The following GLDC variants were observed in gnomAD, a reference collection of about 807,000 sequenced individuals.
GLDC encodes the protein glycine dehydrogenase (decarboxylating), mitochondrial.
GLDC carries 104 observed loss-of-function variants against 121.3 expected under a neutral mutation model. The observed-to-expected ratio is 0.86, with a 90% confidence interval of 0.73 to 1.01. The LOEUF (loss-of-function observed/expected upper bound fraction) is 1.01, where lower values mean the gene tolerates loss of function less well. GLDC is among the 50% of genes least tolerant of loss of function. The pLI, the probability that GLDC is intolerant of heterozygous loss-of-function variation, is 0.00. For synonymous variants in GLDC, 546 were observed against 480.6 expected, an observed-to-expected ratio of 1.14 and a Z score of -1.78; for missense variants, 1,429 against 1,306.6, an observed-to-expected ratio of 1.09 and a Z score of -1.44.
At chr9:6,609,277 A>C (rs760688373) in intron 4 of GLDC, among the ~76,000 whole-genome samples, 27 of 152,226 alleles carry the variant, frequency 1.8e-4, no homozygotes, top group Non-Finnish European at 3.7e-4. Flanking sequence ...ACAAAGATTT[A>C]TTATAAGGAT....
chr9:6,594,829 AAG>A (rs1563852359), intron 9 of GLDC, among the ~76,000 whole-genome samples, 183 bp downstream of exon 9: 1 of 152,086 alleles, frequency 6.6e-6, no homozygotes, highest in East Asian at 1.9e-4. Context: ...GAAAGAAAGA[AAG>A]AAAAAGAAAG....
intron 11 of GLDC, chr9:6,591,920 C>G: frequency 2.5e-6 from 1 of 407,426 alleles, no homozygotes. Flanking sequence ...ACACCATTAA[C>G]AATCTTTCCA....
chr9:6,635,429 A>T (rs970646246), intron 2 of GLDC, among the ~76,000 whole-genome samples: 4 of 152,230 alleles, frequency 2.6e-5, no homozygotes, highest in Admixed American at 2.0e-4. Flanking sequence ...TATGTACCAT[A>T]ATAGCCCTCA....
chr9:6,535,644 C>A (rs1587909241), intron 23 of GLDC, among the ~76,000 whole-genome samples: 1 of 152,298 alleles, frequency 6.6e-6, no homozygotes, highest in Admixed American at 6.5e-5. Context: ...GCCCAACCAA[C>A]TTTTCCCCAA....
chr9:6,587,054 A>T lies in GLDC; in HGVS notation c.1850+87T>A, dbSNP rs968197. 550,161 of 1,083,142 alleles carry T rather than the reference A, an allele frequency of 0.51. 144,061 individuals are homozygous for T. Among genetic ancestry groups the T allele is most frequent in the Middle Eastern group, 0.59 (2,029 of 3,430 alleles). 67.1% of individuals were successfully genotyped at this position (1,083,142 alleles called of 1,614,324 possible). On this transcript the variant is annotated intron_variant, in intron 15 of 24. Coordinates refer to ENST00000321612, the MANE Select transcript of GLDC (RefSeq NM_000170.3). ...CTAGCAAGTCACAGAATAACACAAA[A>T]AAGTTGTTGTTCTAAGCCTTTAAGT...
At position 6,614,570 on chromosome 9, in the gene GLDC, G is replaced by A. The variant is rs78872316; in HGVS notation, c.471-4214C>T. Among the ~76,000 whole-genome samples, 8 of 98,100 alleles carry A rather than the reference G, an allele frequency of 8.2e-5. No homozygotes were observed. The East Asian group carries it at 2.2e-3, about 27-fold the overall frequency. 64.4% of individuals were successfully genotyped at this position (98,100 alleles called of 152,430 possible). On this transcript the variant is annotated intron_variant, in intron 3 of 24. Transcript: ENST00000321612. ...GTTTCAATCTTTTTTTTTTTTTTTT[G>A]TAGGGACAGGGTTTCACTATGTTGT...
chr9:6,599,704 G>A (rs182210744), intron 8 of GLDC, among the ~76,000 whole-genome samples: 1 of 137,646 alleles, frequency 7.3e-6, no homozygotes, highest in Non-Finnish European at 1.5e-5. Context: ...CTGGGTGACA[G>A]AGCAAGACTC....
At chr9:6,537,995 A>T (rs896195813) in intron 22 of GLDC, among the ~76,000 whole-genome samples, 1 of 152,220 alleles carries the variant, frequency 6.6e-6, no homozygotes, top group Non-Finnish European at 1.5e-5. Flanking sequence ...ACTAGAATTC[A>T]GTATCTGTTC....
At chr9:6,595,258 G>A in intron 8 of GLDC, 139 bp from the exon 9 acceptor site, 4 of 739,302 alleles carry the variant, frequency 5.4e-6, no homozygotes, top group African/African-American at 1.7e-5. Context: ...TGATAGTTGG[G>A]GACAATTAAT....
At chr9:6,610,002 C>T (rs1199030337) in intron 4 of GLDC, among the ~76,000 whole-genome samples, 190 bp downstream of exon 4, 1 of 152,184 alleles carries the variant, frequency 6.6e-6, no homozygotes. Context: ...CGGGTGGAGA[C>T]ACCAAGAAGG....
intron 20 of GLDC, among the ~76,000 whole-genome samples, chr9:6,552,334 C>T (rs1006309772): frequency 7.2e-5 from 11 of 152,150 alleles, no homozygotes; most frequent in Non-Finnish European, 1.2e-4. Context: ...TCATCTCCAA[C>T]CCAAATATGT....
chr9:6,622,099 T>C (rs958104811), intron 2 of GLDC, among the ~76,000 whole-genome samples: 2 of 151,930 alleles, frequency 1.3e-5, no homozygotes, highest in Non-Finnish European at 2.9e-5. Context: ...TATCTGAATA[T>C]TATTTGCATC....
intron 7 of GLDC, 62 bp downstream of exon 7, chr9:6,604,526 G>C: frequency 7.0e-7 from 1 of 1,423,116 alleles, no homozygotes; most frequent in Non-Finnish European, 9.9e-7. Flanking sequence ...CAACATTTGT[G>C]ATCAGAAGAA....
intron 2 of GLDC, among the ~76,000 whole-genome samples, chr9:6,641,657 G>T (rs1161481256): frequency 2.0e-5 from 3 of 152,122 alleles, no homozygotes; most frequent in Non-Finnish European, 4.4e-5. Context: ...TCCTCATAGG[G>T]TTGTAATATA....
intron 2 of GLDC, among the ~76,000 whole-genome samples, chr9:6,635,216 G>A (rs1191429974): frequency 1.3e-5 from 2 of 152,036 alleles, no homozygotes; most frequent in Non-Finnish European, 2.9e-5. Context: ...CCTGACTTTT[G>A]TACACCAAGT....
chr9:6,611,372 AT>A (rs1240716555), intron 3 of GLDC, among the ~76,000 whole-genome samples: 1 of 152,262 alleles, frequency 6.6e-6, no homozygotes, highest in South Asian at 2.1e-4. Flanking sequence ...CCTGGCTAAC[AT>A]GGTGAAACCC....
chr9:6,538,436 T>A (rs1449012115), intron 22 of GLDC, among the ~76,000 whole-genome samples: 3 of 152,236 alleles, frequency 2.0e-5, no homozygotes, highest in Non-Finnish European at 4.4e-5. Context: ...ATACAGATTA[T>A]CAGCTCTCTT....
intron 11 of GLDC, among the ~76,000 whole-genome samples, chr9:6,590,139 A>G (rs1818349071): frequency 6.6e-6 from 1 of 152,128 alleles, no homozygotes. Flanking sequence ...AAAGGAATAA[A>G]CAATAAACAT....
chr9:6,601,137 C>A (rs1016126097), intron 8 of GLDC, among the ~76,000 whole-genome samples: 12 of 152,130 alleles, frequency 7.9e-5, no homozygotes, highest in Non-Finnish European at 8.8e-5. Flanking sequence ...TGCGCCACTG[C>A]ACTCCAGCCT....
Sources: gnomAD v4.1 joint callset for allele counts (sites outside exome capture counted in the v4.1 genomes callset) on GRCh38, gnomAD v4.1.1 for gene constraint, MANE v1.5 for transcripts, NCBI Gene and HGNC (gene_info 2026-07-23, HGNC 2026-07-21) for gene names.